The following CSMD2 variants were observed in gnomAD, a reference collection of about 807,000 sequenced individuals.
The protein encoded by CSMD2 is CUB and sushi domain-containing protein 2.
CSMD2 carries 130 observed loss-of-function variants against 398.5 expected under a neutral mutation model. That is an observed-to-expected ratio of 0.33 (90% CI 0.28 to 0.38). The LOEUF (loss-of-function observed/expected upper bound fraction) is 0.38. Among genes scored for constraint, CSMD2 ranks in the 10% least tolerant of loss-of-function variants. The pLI, the probability that CSMD2 is intolerant of heterozygous loss-of-function variation, is 1.00. For missense variants in CSMD2, 3,829 were observed against 4,764.9 expected, an observed-to-expected ratio of 0.80 and a Z score of 5.78; for synonymous variants, 1,828 against 1,908.5, an observed-to-expected ratio of 0.96 and a Z score of 1.10.
In CSMD2 at chr1:33,580,942, C is replaced by T. The variant is rs562016801; in HGVS notation, c.7241-43G>A. The stretch of plus-strand genomic sequence containing the variant: ...CAGGATTACAGACCATGGGAGCCAT[C>T]ACAGGGAGCCTCCAGGGAAGACCTC... On this transcript the variant is annotated intron_variant, in intron 47 of 70. Transcript: ENST00000373381. 3.1e-5 allele frequency: 50 copies of T among 1,604,546 alleles called. No homozygotes were observed. In the South Asian group the frequency reaches 3.6e-4, roughly 11 times the overall value.
intron 15 of CSMD2, among the ~76,000 whole-genome samples, chr1:33,732,370 T>C (rs767406834): frequency 3.9e-5 from 6 of 152,186 alleles, no homozygotes; most frequent in Non-Finnish European, 8.8e-5. Flanking sequence ...CCAATGTGAC[T>C]GCATTTGGAG....
chr1:33,777,066 A>G (rs1569874060), intron 12 of CSMD2, among the ~76,000 whole-genome samples: 3 of 152,246 alleles, frequency 2.0e-5, no homozygotes, highest in South Asian at 4.2e-4. Flanking sequence ...TGAAGACAGC[A>G]TAAGGTCAAA....
chr1:34,091,105 T>C lies in CSMD2; in HGVS notation c.188-1912A>G, dbSNP rs144659919. ...CACAGTGTCATGACACCGTAACTTC[T>C]CCTTGGTGGTACTTATTATAAAAGT... On this transcript the variant is annotated intron_variant, in intron 1 of 70. Transcript: ENST00000373381. Among the ~76,000 whole-genome samples the C allele has an allele frequency of 5.5e-3, 837 of 152,210 alleles. 8 individuals are homozygous for C. The highest frequency in any genetic ancestry group is 0.019 in the African/African-American group (786 of 41,524).
chr1:33,686,680 T>C (rs1557730418), intron 25 of CSMD2, among the ~76,000 whole-genome samples: 1 of 152,166 alleles, frequency 6.6e-6, no homozygotes, highest in African/African-American at 2.4e-5. Context: ...CAGATCCCTC[T>C]GGTCACCCTC....
intron 3 of CSMD2, among the ~76,000 whole-genome samples, chr1:34,002,547 T>A (rs1055106288): frequency 2.0e-5 from 3 of 152,190 alleles, no homozygotes; most frequent in African/African-American, 7.2e-5. Flanking sequence ...TATGAGGGGT[T>A]GGGGCGACTT....
chr1:33,641,216 C>T (rs1448975059), intron 29 of CSMD2, among the ~76,000 whole-genome samples: 1 of 152,176 alleles, frequency 6.6e-6, no homozygotes, highest in African/African-American at 2.4e-5. Context: ...CCCTCACTCA[C>T]CTGTAAGTTA....
At chr1:33,905,847 C>T (rs377591176) in intron 5 of CSMD2, among the ~76,000 whole-genome samples, 42 of 152,318 alleles carry the variant, frequency 2.8e-4, no homozygotes, top group East Asian at 1.9e-4. Context: ...GCAGAGAACT[C>T]GGCTCACCAA....
At chr1:33,960,418 C>A (rs566796510) in intron 3 of CSMD2, among the ~76,000 whole-genome samples, 2 of 152,352 alleles carry the variant, frequency 1.3e-5, no homozygotes, top group African/African-American at 2.4e-5. Flanking sequence ...TGACTTGGAA[C>A]CCTGATGCTC....
At chr1:33,599,628 G>A (rs1194710839) in intron 44 of CSMD2, 1 of 152,762 alleles carries the variant, frequency 6.5e-6, no homozygotes, top group African/African-American at 2.4e-5. Context: ...TCACTCTATG[G>A]GAAAGTCACA....
At chr1:33,960,018 A>T (rs1253250656) in intron 3 of CSMD2, among the ~76,000 whole-genome samples, 5 of 152,110 alleles carry the variant, frequency 3.3e-5, no homozygotes, top group African/African-American at 1.2e-4. Context: ...GCCCCTTTCC[A>T]AATCCTGATC....
At chr1:34,043,408 C>T (rs1652099812) in intron 2 of CSMD2, among the ~76,000 whole-genome samples, 1 of 152,136 alleles carries the variant, frequency 6.6e-6, no homozygotes, top group African/African-American at 2.4e-5. Flanking sequence ...TTTAGGGATC[C>T]TTGATAAATG....
Position 33,557,748 on chromosome 1 carries a change from C to T in CSMD2, c.8729G>A (p.Arg2910His), listed in dbSNP as rs765912423. 78 of 1,535,720 alleles carry T rather than the reference C, an allele frequency of 5.1e-5. No homozygotes were observed. The Admixed American group carries it at 5.1e-4, about 10-fold the overall frequency. ...CATCTACTTACAGAGACACTGGGGGCGGGGACGGTCCCATGTGCCATCTCC... is the reference window on the plus strand; with the variant it reads ...CATCTACTTACAGAGACACTGGGGGTGGGGACGGTCCCATGTGCCATCTCC... ...CQGDGTWDRP[R>H]PQCLLVSCGH... The change falls in exon 55 of 71, where the codon CGC (arginine) becomes CAC (histidine). Residue 2910 changes from arginine (R) to histidine (H), a missense_variant. Transcript: ENST00000373381.
chr1:33,766,026 C>CA (rs936824224), intron 13 of CSMD2, among the ~76,000 whole-genome samples: 1 of 152,176 alleles, frequency 6.6e-6, no homozygotes, highest in African/African-American at 2.4e-5. Context: ...CCTCTTACCC[C>CA]AACAGGGACA....
At chr1:33,706,014 T>C (rs1645766097) in intron 22 of CSMD2, among the ~76,000 whole-genome samples, 1 of 152,148 alleles carries the variant, frequency 6.6e-6, no homozygotes, top group Admixed American at 6.5e-5. Flanking sequence ...TCTGCCTTTA[T>C]CTTTAAAAGT....
intron 1 of CSMD2, 25 bp from the exon 2 acceptor site, chr1:34,089,218 C>G: frequency 6.3e-7 from 1 of 1,585,782 alleles, no homozygotes; most frequent in Non-Finnish European, 8.7e-7. Context: ...TGGAGCAGTT[C>G]AGAATAGCCA....
rs533469593 is a variant in CSMD2, at chr1:33,670,359, C to T, written c.4053-7267G>A. On this transcript the variant is annotated intron_variant, in intron 25 of 70. Coordinates refer to ENST00000373381, the MANE Select transcript of CSMD2 (RefSeq NM_001281956.2). Reference sequence around the variant, plus strand: ...TTGTCTGACTGAATTGATGAATGAACGAATGGCTCACCAGCTTTCAGGGAC... The same window carrying T: ...TTGTCTGACTGAATTGATGAATGAATGAATGGCTCACCAGCTTTCAGGGAC... Among the ~76,000 whole-genome samples, 21 of 152,336 alleles carry T rather than the reference C, an allele frequency of 1.4e-4. No individual in the cohort carries two copies. In the East Asian group the frequency reaches 2.1e-3, roughly 15 times the overall value.
At chr1:34,151,505 A>G (rs1335845706) in intron 1 of CSMD2, among the ~76,000 whole-genome samples, 1 of 152,112 alleles carries the variant, frequency 6.6e-6, no homozygotes, top group Non-Finnish European at 1.5e-5. Flanking sequence ...GGGGAGGAGG[A>G]TGACTTACAA....
chr1:33,977,480 A>G (rs908853047), intron 3 of CSMD2, among the ~76,000 whole-genome samples: 1 of 152,028 alleles, frequency 6.6e-6, no homozygotes, highest in Non-Finnish European at 1.5e-5. Flanking sequence ...TCCTTCCATC[A>G]GGGCACTCTC....
chr1:34,070,643 T>C (rs1177943780), intron 2 of CSMD2, among the ~76,000 whole-genome samples: 1 of 152,184 alleles, frequency 6.6e-6, no homozygotes, highest in Non-Finnish European at 1.5e-5. Context: ...TTTGCGGTAG[T>C]GGATACAAAT....
Sources: allele counts gnomAD v4.1 joint callset (sites outside exome capture counted in the v4.1 genomes callset), GRCh38; gene constraint gnomAD v4.1.1; transcripts MANE v1.5; gene names NCBI Gene and HGNC (gene_info 2026-07-23, HGNC 2026-07-21).